Variants in HPN observed in about 807,000 individuals in gnomAD.
HPN encodes serine protease hepsin.
A neutral mutation model predicts 55.9 loss-of-function variants in HPN; 13 were observed. The ratio of observed to expected loss-of-function variants is 0.23; its 90% CI spans 0.15 to 0.37. HPN has a LOEUF of 0.37. HPN is among the 10% of genes least tolerant of loss of function. The probability of loss-of-function intolerance (pLI) is 1.00; values close to 1 mark genes in which losing one functional copy is unlikely to be tolerated. For synonymous variants in HPN, 225 were observed against 240.3 expected (o/e 0.94, Z 0.59); for missense variants, 451 against 575.8 (o/e 0.78, Z 2.22).
chr19:35,065,132 T>A, intron 9 of HPN, 118 bp from the exon 10 acceptor site: 1 of 663,024 alleles, frequency 1.5e-6, no homozygotes, highest in Non-Finnish European at 2.6e-6. Context: ...TATTGTGGTT[T>A]TTTTTTTAAA....
chr19:35,057,496 ATTATT>A (rs2064467666), intron 4 of HPN, among the ~76,000 whole-genome samples: 1 of 152,100 alleles, frequency 6.6e-6, no homozygotes, highest in Admixed American at 6.6e-5. Flanking sequence ...TTTATACTAT[ATTATT>A]AAAGTTATTT....
chr19:35,048,080 G>A (rs77804110), intron 2 of HPN, among the ~76,000 whole-genome samples: 2,736 of 36,352 alleles, frequency 0.075, 104 homozygotes, highest in East Asian at 0.19. Flanking sequence ...AAGAAAGAAA[G>A]AAAAGGAAGG....
intron 2 of HPN, among the ~76,000 whole-genome samples, chr19:35,045,831 TG>T (rs1422452899): frequency 6.6e-6 from 1 of 152,090 alleles, no homozygotes; most frequent in Non-Finnish European, 1.5e-5. Context: ...CCTCTCATAC[TG>T]GGGGAACCCC....
At chr19:35,051,700 G>T (rs907383035) in intron 4 of HPN, among the ~76,000 whole-genome samples, 1 of 146,096 alleles carries the variant, frequency 6.8e-6, no homozygotes, top group Non-Finnish European at 1.5e-5. Context: ...AAAAAAAAAA[G>T]AACAGCTGAA....
At position 35,065,624 on chromosome 19, in the gene HPN, G is replaced by A; in HGVS notation, c.993G>A (p.Gln331=). The part of the protein sequence containing the change: ...VCNGADFYGN[Q]IKPKMFCAGY... ...ATGGCGCTGACTTCTATGGAAACCAGATCAAGCCCAAGATGTTCTGTGCTG... is the reference window on the plus strand; with the variant it reads ...ATGGCGCTGACTTCTATGGAAACCAAATCAAGCCCAAGATGTTCTGTGCTG... The change falls in exon 11 of 13, where the codon CAG becomes CAA. Residue 331 remains glutamine (Q), a synonymous_variant. Transcript: ENST00000672452. 3 of 1,614,190 alleles carry A rather than the reference G, an allele frequency of 1.9e-6. No individual in the cohort carries two copies. The highest frequency in any genetic ancestry group is 2.5e-6 in the Non-Finnish European group (3 of 1,180,028).
In HPN at chr19:35,049,372, G is replaced by T. The variant is rs374140798; in HGVS notation, c.99G>T (p.Gly33=). Residue 33 remains glycine, a synonymous_variant, in exon 3 of 13, where the codon GGG becomes GGT. Transcript: ENST00000672452. Reference sequence around the variant, plus strand: ...CCCTGCTACTTCTGACAGCCATCGGGGCGGCATCCTGGGCCATTGGTGAGA... The same window carrying T: ...CCCTGCTACTTCTGACAGCCATCGGTGCGGCATCCTGGGCCATTGGTGAGA... ...AGTLLLLTAI[G]AASWAIVAVL... 1 of 1,604,428 alleles carries T rather than the reference G, an allele frequency of 6.2e-7. No homozygotes were observed. Among genetic ancestry groups the T allele is most frequent in the Non-Finnish European group, 8.5e-7 (1 of 1,174,044 alleles).
chr19:35,049,989 C>T (rs1423805489), intron 4 of HPN, among the ~76,000 whole-genome samples: 1 of 151,858 alleles, frequency 6.6e-6, no homozygotes, highest in Non-Finnish European at 1.5e-5. Flanking sequence ...GCAGTTTGCC[C>T]CAGACTACAG....
In HPN at chr19:35,065,584, G is replaced by A; in HGVS notation, c.953G>A (p.Ser318Asn). The change falls in exon 11 of 13, where the codon AGC becomes AAC. Residue 318 changes from serine (S) to asparagine (N), a missense_variant. Ser to Asn is a conservative substitution (Grantham distance 46). Around this residue, in one of 2 missense-constraint regions of HPN, gnomAD observed 378 missense variants for 445.5 expected, o/e 0.85. Transcript: ENST00000672452. ...CAGGAGGCTCGAGTCCCCATAATCA[G>A]CAATGATGTCTGCAATGGCGCTGAC... Reference protein sequence around the residue: ...VLQEARVPIISNDVCNGADFY... With the variant: ...VLQEARVPIINNDVCNGADFY... 3 of 1,614,154 alleles carry A rather than the reference G, an allele frequency of 1.9e-6. No homozygotes were observed. Among genetic ancestry groups the A allele is most frequent in the Non-Finnish European group, 2.5e-6 (3 of 1,180,020 alleles).
Position 35,041,772 on chromosome 19 carries a change from C to T in HPN, c.-155C>T. 1 of 1,306,314 alleles carries T rather than the reference C, an allele frequency of 7.7e-7. No individual in the cohort carries two copies. The highest frequency in any genetic ancestry group is 2.1e-5 in the Admixed American group (1 of 46,714). 80.9% of individuals were successfully genotyped at this position (1,306,314 alleles called of 1,614,324 possible). A position where few individuals can be genotyped will look rare whatever the true frequency, so the allele number is the denominator to read the frequency against. On this transcript the variant is annotated 5_prime_UTR_variant, in exon 1 of 13. Transcript: ENST00000672452. The stretch of plus-strand genomic sequence containing the variant: ...CCACGCCACCGCCTCTGCCTCCAGG[C>T]CGCCCGCTGCTGCGGGGCCACCATG...
At chr19:35,048,074 AAG>A (rs1491040006) in intron 2 of HPN, among the ~76,000 whole-genome samples, 4,309 of 56,688 alleles carry the variant, frequency 0.076, 88 homozygotes, top group Middle Eastern at 0.15. Flanking sequence ...GAAAGAAAGA[AAG>A]AAAGAAAAGG....
intron 4 of HPN, chr19:35,059,443 C>T (rs745761227): frequency 4.9e-5 from 33 of 671,350 alleles, no homozygotes; most frequent in Non-Finnish European, 7.3e-5. Context: ...GATCACACCA[C>T]TACACTCCAG....
chr19:35,046,370 G>A (rs769146426), intron 2 of HPN, among the ~76,000 whole-genome samples: 1 of 151,932 alleles, frequency 6.6e-6, no homozygotes, highest in African/African-American at 2.4e-5. Context: ...TCAGCTTCCC[G>A]AGTAGCTGGG....
Position 35,060,825 on chromosome 19 carries a change from TA to T in HPN, c.811+10del. 1 of 1,564,062 alleles carries T rather than the reference TA, an allele frequency of 6.4e-7. No homozygotes were observed. ...GTCCCCTGCCCCTCACAGGTAAGTC[TA>T]AGGGCTGAGCCATGGGGCTTGAGGA... On this transcript the variant is annotated intron_variant, in intron 9 of 12. Transcript: ENST00000672452.
At chr19:35,045,383 G>C (rs1020537498) in intron 2 of HPN, among the ~76,000 whole-genome samples, 19 of 152,182 alleles carry the variant, frequency 1.2e-4, no homozygotes, top group African/African-American at 4.3e-4. Context: ...TATACAGGAA[G>C]CTGCAGTCAT....
Position 35,066,461 on chromosome 19 carries a change from C to T in HPN, c.*174C>T. 1 of 731,652 alleles carries T rather than the reference C, an allele frequency of 1.4e-6. No homozygotes were observed. The highest frequency in any genetic ancestry group is 2.8e-5 in the Admixed American group (1 of 35,918). 45.3% of individuals were successfully genotyped at this position (731,652 alleles called of 1,614,324 possible). The stretch of plus-strand genomic sequence containing the variant: ...GCGGGCCCACTCAGCCCCGAGACCA[C>T]CCAACCTCACCCTCCTGACCCCCAT... On this transcript the variant is annotated 3_prime_UTR_variant, in exon 13 of 13. Coordinates refer to ENST00000672452, the MANE Select transcript of HPN (RefSeq NM_001384133.1).
chr19:35,044,970 A>G (rs1360226025), intron 2 of HPN, among the ~76,000 whole-genome samples: 1 of 151,696 alleles, frequency 6.6e-6, no homozygotes, highest in African/African-American at 2.4e-5. Context: ...GGGGGAGGGG[A>G]ATGTTATGCA....
chr19:35,060,277 C>A (rs755202395), intron 7 of HPN, 70 bp from the exon 8 acceptor site: 1 of 1,607,068 alleles, frequency 6.2e-7, no homozygotes, highest in Non-Finnish European at 8.5e-7. Flanking sequence ...TAGGGCAGGG[C>A]CAAGCCTGGG....
chr19:35,047,759 A>T (rs2064355957), intron 2 of HPN, among the ~76,000 whole-genome samples: 1 of 151,964 alleles, frequency 6.6e-6, no homozygotes, highest in Admixed American at 6.6e-5. Context: ...TTTGTTTGGG[A>T]GGCTGAGACA....
intron 2 of HPN, among the ~76,000 whole-genome samples, chr19:35,044,158 A>G (rs1195740855): frequency 6.6e-6 from 1 of 152,172 alleles, no homozygotes; most frequent in African/African-American, 2.4e-5. Flanking sequence ...GCTGTGCAGG[A>G]CTGGACGGGG....
Sources: gnomAD v4.1 joint callset for allele counts (sites outside exome capture counted in the v4.1 genomes callset) on GRCh38, gnomAD v4.1.1 for gene constraint, gnomAD v4.1.1 regional missense constraint, MANE v1.5 for transcripts, NCBI Gene and HGNC (gene_info 2026-07-23, HGNC 2026-07-21) for gene names.